The following AGBL4 variants were observed in gnomAD, a reference collection of about 807,000 sequenced individuals.
AGBL4 encodes the protein cytosolic carboxypeptidase 6.
A neutral mutation model predicts 66.4 loss-of-function variants in AGBL4; 58 were observed. The ratio of observed to expected loss-of-function variants is 0.87; its 90% CI spans 0.71 to 1.09. The LOEUF (loss-of-function observed/expected upper bound fraction) is 1.09, where lower values mean the gene tolerates loss of function less well. Ranked by LOEUF, AGBL4 falls within the 50% of genes least tolerant of loss-of-function variation. The probability of loss-of-function intolerance (pLI) is 0.00; values close to 1 mark genes in which losing one functional copy is unlikely to be tolerated. For missense variants in AGBL4, 579 were observed against 631.0 expected (o/e 0.92, Z 0.88); for synonymous variants, 234 against 222.9 (o/e 1.05, Z -0.44).
chr1:49,767,781 G>T (rs1316641067), intron 2 of AGBL4, among the ~76,000 whole-genome samples: 1 of 151,570 alleles, frequency 6.6e-6, no homozygotes, highest in Non-Finnish European at 1.5e-5. Flanking sequence ...TGATCCCAAA[G>T]AAATTAAAAA....
At position 49,925,135 on chromosome 1, in the gene AGBL4, T is replaced by C. The variant is rs371365305; in HGVS notation, c.35-73617A>G. ...GTAGCTCATGGGGTGACTCCATCCT[T>C]TCACTTGAGAAAAGGAAAAACAGGA... is the stretch of plus-strand genomic sequence containing the variant. On this transcript the variant is annotated intron_variant, in intron 1 of 13. Transcript: ENST00000371839. Among the ~76,000 whole-genome samples, 29 of 152,256 alleles carry C rather than the reference T, an allele frequency of 1.9e-4. No individual in the cohort carries two copies. The East Asian group carries it at 3.1e-3, about 16-fold the overall frequency.
intron 1 of AGBL4, among the ~76,000 whole-genome samples, chr1:49,877,008 T>G (rs1286635539): frequency 6.6e-6 from 1 of 151,834 alleles, no homozygotes; most frequent in African/African-American, 2.4e-5. Flanking sequence ...ACATTGATTT[T>G]GTATCCTGAG....
chr1:48,711,590 A>AC (rs1478572590), intron 6 of AGBL4, among the ~76,000 whole-genome samples: 2 of 151,796 alleles, frequency 1.3e-5, no homozygotes, highest in Non-Finnish European at 2.9e-5. Flanking sequence ...ATTGCTGCTC[A>AC]CCCCCGGGGC....
At chr1:49,500,887 A>AATTCCATAT (rs1317153284) in intron 3 of AGBL4, among the ~76,000 whole-genome samples, 1 of 151,960 alleles carries the variant, frequency 6.6e-6, no homozygotes, top group African/African-American at 2.4e-5. Flanking sequence ...TATGAATTTT[A>AATTCCATAT]GGATTCAGTT....
rs187375874 is a variant in AGBL4 at position 49,128,697 on chromosome 1, C to T, written c.378-82897G>A. Among the ~76,000 whole-genome samples, 11 of 151,984 alleles carry T rather than the reference C, an allele frequency of 7.2e-5. 1 individual carries two copies. The highest frequency in any genetic ancestry group is 2.7e-4 in the African/African-American group (11 of 41,506). On this transcript the variant is annotated intron_variant, in intron 4 of 13. Transcript: ENST00000371839. ...ATAAACCTGGACAATAATATCATACCATATGCAAAAATGAACTTAAAATGA... is the reference window on the plus strand; with the variant it reads ...ATAAACCTGGACAATAATATCATACTATATGCAAAAATGAACTTAAAATGA...
intron 11 of AGBL4, among the ~76,000 whole-genome samples, chr1:48,549,397 T>G (rs916170000): frequency 1.3e-5 from 2 of 152,152 alleles, no homozygotes; most frequent in African/African-American, 4.8e-5. Flanking sequence ...TGCAGAGTCC[T>G]TTCCCATTGC....
chr1:50,011,841 T>G (rs1041209465), intron 1 of AGBL4, among the ~76,000 whole-genome samples: 1 of 152,188 alleles, frequency 6.6e-6, no homozygotes, highest in Non-Finnish European at 1.5e-5. Flanking sequence ...TCAAAATAAT[T>G]GAACTCATGG....
intron 3 of AGBL4, among the ~76,000 whole-genome samples, chr1:49,427,819 C>A (rs1293981878): frequency 6.6e-6 from 1 of 152,200 alleles, no homozygotes; most frequent in Non-Finnish European, 1.5e-5. Context: ...CTTATTTGGC[C>A]CCGCCCACAT....
At chr1:49,073,250 G>A (rs1451654959) in intron 4 of AGBL4, among the ~76,000 whole-genome samples, 1 of 152,058 alleles carries the variant, frequency 6.6e-6, no homozygotes, top group Non-Finnish European at 1.5e-5. Flanking sequence ...ACTTCTATGA[G>A]TTTGTCAAAC....
intron 3 of AGBL4, among the ~76,000 whole-genome samples, chr1:49,434,767 G>C (rs996684245): frequency 4.6e-5 from 7 of 151,720 alleles, no homozygotes; most frequent in African/African-American, 1.7e-4. Context: ...TACAGAAAAA[G>C]TGTTTTGGGA....
chr1:49,516,516 G>A (rs192079722), intron 3 of AGBL4, among the ~76,000 whole-genome samples: 1 of 152,164 alleles, frequency 6.6e-6, no homozygotes, highest in African/African-American at 2.4e-5. Context: ...TAACATTTGA[G>A]GTTAAGTTTT....
At chr1:49,238,003 T>C (rs1650922920) in intron 4 of AGBL4, among the ~76,000 whole-genome samples, 1 of 152,174 alleles carries the variant, frequency 6.6e-6, no homozygotes, top group Non-Finnish European at 1.5e-5. Context: ...CTTTTAGCAT[T>C]TGAAAAACAT....
intron 11 of AGBL4, among the ~76,000 whole-genome samples, chr1:48,582,641 G>A (rs1447215052): frequency 6.6e-6 from 1 of 152,224 alleles, no homozygotes; most frequent in East Asian, 1.9e-4. Context: ...GTACCTACCA[G>A]ATGCCAGGCA....
chr1:49,689,984 A>C (rs1646856374), intron 3 of AGBL4, among the ~76,000 whole-genome samples: 1 of 152,146 alleles, frequency 6.6e-6, no homozygotes, highest in African/African-American at 2.4e-5. Context: ...GGTATACCTC[A>C]TTGCTGTCTT....
At chr1:48,953,218 A>G (rs552480513) in intron 5 of AGBL4, among the ~76,000 whole-genome samples, 2 of 152,328 alleles carry the variant, frequency 1.3e-5, no homozygotes, top group South Asian at 4.2e-4. Context: ...CTCCATGCCC[A>G]AAACCATACT....
At chr1:49,836,073 G>A (rs557488435) in intron 2 of AGBL4, among the ~76,000 whole-genome samples, 5 of 152,100 alleles carry the variant, frequency 3.3e-5, no homozygotes, top group South Asian at 2.1e-4. Flanking sequence ...TGCTCTTCTC[G>A]AGGGGTATCT....
chr1:48,795,085 A>G (rs1645639470), intron 6 of AGBL4, among the ~76,000 whole-genome samples: 3 of 152,068 alleles, frequency 2.0e-5, no homozygotes, highest in Admixed American at 2.0e-4. Context: ...ATATCTTTCA[A>G]ATCTATTTCA....
At chr1:49,325,442 T>C (rs569885752) in intron 3 of AGBL4, among the ~76,000 whole-genome samples, 1 of 152,318 alleles carries the variant, frequency 6.6e-6, no homozygotes, top group East Asian at 1.9e-4. Flanking sequence ...CCGCTACCAC[T>C]GTCAAATATA....
chr1:49,980,096 T>C (rs1003227762), intron 1 of AGBL4, among the ~76,000 whole-genome samples: 4 of 152,146 alleles, frequency 2.6e-5, no homozygotes, highest in Non-Finnish European at 5.9e-5. Context: ...ATTGACTATG[T>C]TATTGGTAAG....
Sources: allele counts gnomAD v4.1 joint callset (sites outside exome capture counted in the v4.1 genomes callset), GRCh38; gene constraint gnomAD v4.1.1; transcripts MANE v1.5; gene names NCBI Gene and HGNC (gene_info 2026-07-23, HGNC 2026-07-21).